Variants in PACS1 observed in about 807,000 individuals in gnomAD.
PACS1 encodes PACS-1.
PACS1 carries 24 observed loss-of-function variants against 115.0 expected under a neutral mutation model. That is an observed-to-expected ratio of 0.21 (90% CI 0.15 to 0.29). The LOEUF (loss-of-function observed/expected upper bound fraction) is 0.29. Among genes scored for constraint, PACS1 ranks in the 10% least tolerant of loss-of-function variants. The probability of loss-of-function intolerance (pLI) is 1.00; values close to 1 mark genes in which losing one functional copy is unlikely to be tolerated. For missense variants in PACS1, 838 were observed against 1,251.2 expected, an observed-to-expected ratio of 0.67 and a Z score of 4.98; for synonymous variants, 453 against 504.5, an observed-to-expected ratio of 0.90 and a Z score of 1.37.
At chr11:66,217,699 A>G (rs932801932) in intron 7 of PACS1, 3 of 439,398 alleles carry the variant, frequency 6.8e-6, no homozygotes, top group Non-Finnish European at 1.4e-5. Context: ...GTCCTCAGGT[A>G]TCCACCTCTC....
chr11:66,077,897 T>C (rs1027767358), intron 1 of PACS1, among the ~76,000 whole-genome samples: 8 of 152,072 alleles, frequency 5.3e-5, no homozygotes, highest in African/African-American at 1.9e-4. Flanking sequence ...AGACGGGGTT[T>C]CACCATGTTG....
intron 1 of PACS1, among the ~76,000 whole-genome samples, chr11:66,113,795 G>A (rs1163078491): frequency 1.3e-5 from 2 of 152,178 alleles, no homozygotes; most frequent in Non-Finnish European, 1.5e-5. Context: ...TTAGTATCAA[G>A]TCTAATTTTC....
intron 1 of PACS1, among the ~76,000 whole-genome samples, chr11:66,159,913 C>A (rs769349468): frequency 6.6e-6 from 1 of 152,198 alleles, no homozygotes; most frequent in African/African-American, 2.4e-5. Flanking sequence ...GCCCTTTAAT[C>A]TGGGCTAGTA....
At chr11:66,151,752 C>T (rs934505746) in intron 1 of PACS1, among the ~76,000 whole-genome samples, 9 of 152,152 alleles carry the variant, frequency 5.9e-5, no homozygotes, top group African/African-American at 2.2e-4. Flanking sequence ...GAAAAGCAGT[C>T]AGTAGAGACT....
chr11:66,110,706 A>G (rs548762156), intron 1 of PACS1, among the ~76,000 whole-genome samples: 2 of 151,750 alleles, frequency 1.3e-5, no homozygotes, highest in Admixed American at 6.6e-5. Context: ...AGTACCTGAG[A>G]CTCCAGGTGT....
At chr11:66,094,070 A>G (rs1200504553) in intron 1 of PACS1, among the ~76,000 whole-genome samples, 2 of 151,026 alleles carry the variant, frequency 1.3e-5, no homozygotes, top group Non-Finnish European at 3.0e-5. Context: ...AATTTATAGC[A>G]CTAAATGCCC....
At chr11:66,211,415 A>G (rs1855066917) in intron 4 of PACS1, among the ~76,000 whole-genome samples, 156 bp downstream of exon 4, 1 of 152,196 alleles carries the variant, frequency 6.6e-6, no homozygotes, top group Non-Finnish European at 1.5e-5. Flanking sequence ...GGAAATTCAG[A>G]GTATACTTGT....
chr11:66,202,655 A>G (rs1854827950), intron 2 of PACS1, among the ~76,000 whole-genome samples: 1 of 149,108 alleles, frequency 6.7e-6, no homozygotes, highest in Non-Finnish European at 1.5e-5. Context: ...TTGGGAGGCC[A>G]AGGTAGATGG....
chr11:66,180,951 G>A (rs1477432202), intron 1 of PACS1, among the ~76,000 whole-genome samples: 1 of 152,106 alleles, frequency 6.6e-6, no homozygotes, highest in Non-Finnish European at 1.5e-5. Flanking sequence ...GAGCCACCAT[G>A]CTCAGCCCTT....
At position 66,232,214 on chromosome 11, in the gene PACS1, G is replaced by A. The variant is rs768584162; in HGVS notation, c.1669G>A (p.Val557Met). ...VVYDQLNQIL[V>M]SDAALPENVI... is the part of the protein sequence containing the mutation. ...GTATGACCAGCTCAATCAGATCCTG[G>A]TGTCAGATGCAGCCCTCCCAGAAAA... Residue 557 changes from valine to methionine, a missense_variant, in exon 14 of 24, where the codon GTG becomes ATG. By Grantham distance (21) the Val-to-Met change is conservative (BLOSUM62 1). Around this residue, in one of 6 missense-constraint regions of PACS1, gnomAD observed 383 missense variants for 537.0 expected, o/e 0.71. Coordinates refer to ENST00000320580, the MANE Select transcript of PACS1 (RefSeq NM_018026.4). The A allele has an allele frequency of 1.2e-6, 2 of 1,613,838 alleles. No homozygotes were observed. Among genetic ancestry groups the A allele is most frequent in the East Asian group, 2.2e-5 (1 of 44,882 alleles).
chr11:66,201,826 T>A (rs1261818636), intron 2 of PACS1, among the ~76,000 whole-genome samples: 1 of 152,048 alleles, frequency 6.6e-6, no homozygotes, highest in South Asian at 2.1e-4. Context: ...TCGCGGCTAA[T>A]TTTTGTATTT....
chr11:66,070,668 C>T lies in PACS1; in HGVS notation c.182C>T (p.Ser61Leu). Residue 61 changes from serine (S) to leucine (L), a missense_variant, in exon 1 of 24, where the codon TCG becomes TTG. Physicochemically the swap from Ser to Leu is moderately radical, Grantham distance 145 (BLOSUM62 -2). This residue lies in a region of PACS1 where 129 missense variants were observed against 109.4 expected (regional missense o/e 1.18). Coordinates refer to ENST00000320580, the MANE Select transcript of PACS1 (RefSeq NM_018026.4). This position sits in a 1 kb window ranked among gnomAD's most constrained non-coding sequence, Gnocchi z 5.9. The part of the protein sequence containing the change: ...AQATSSSSST[S>L]AAAASSSSSS... Reference sequence around the variant, plus strand: ...GCCACCTCGTCGTCCTCGTCCACCTCGGCGGCGGCTGCCTCCTCCTCGTCC... The same window carrying T: ...GCCACCTCGTCGTCCTCGTCCACCTTGGCGGCGGCTGCCTCCTCCTCGTCC... 5 of 1,570,782 alleles carry T rather than the reference C, an allele frequency of 3.2e-6. No homozygotes were observed. Among genetic ancestry groups the T allele is most frequent in the Non-Finnish European group, 4.3e-6 (5 of 1,165,158 alleles).
intron 2 of PACS1, among the ~76,000 whole-genome samples, chr11:66,206,370 CA>C (rs1310292415): frequency 6.6e-6 from 1 of 152,028 alleles, no homozygotes; most frequent in Non-Finnish European, 1.5e-5. Flanking sequence ...CTGGAAGAAG[CA>C]AATACTGGAA....
At position 66,147,068 on chromosome 11, in the gene PACS1, A is replaced by G. The variant is rs554210529; in HGVS notation, c.357-46418A>G. On this transcript the variant is annotated intron_variant, in intron 1 of 23. Transcript: ENST00000320580. ...CAAGTAAGACACTGTCTAAAAACAG[A>G]CAAAGACAAAAAGAATAAGAATGTC... Among the ~76,000 whole-genome samples the G allele has an allele frequency of 5.3e-5, 8 of 152,336 alleles. No homozygotes were observed. In the South Asian group the frequency reaches 1.7e-3, roughly 32 times the overall value.
intron 1 of PACS1, among the ~76,000 whole-genome samples, chr11:66,117,534 C>T (rs1333400308): frequency 1.3e-5 from 2 of 151,610 alleles, no homozygotes; most frequent in Non-Finnish European, 2.9e-5. Flanking sequence ...CAAGACCAGC[C>T]CTCAACATGT....
intron 2 of PACS1, among the ~76,000 whole-genome samples, chr11:66,200,045 AAAC>A (rs375085899): frequency 9.2e-6 from 1 of 108,846 alleles, no homozygotes; most frequent in Admixed American, 1.1e-4. Context: ...AAACAAAACA[AAAC>A]AAAAAAAAAA....
chr11:66,132,911 C>A (rs1388827346), intron 1 of PACS1, among the ~76,000 whole-genome samples: 2 of 152,142 alleles, frequency 1.3e-5, no homozygotes, highest in Non-Finnish European at 2.9e-5. Context: ...CAAGTGATCT[C>A]CCTGCCTTGG....
intron 10 of PACS1, among the ~76,000 whole-genome samples, chr11:66,224,104 G>A (rs1437643116): frequency 6.8e-6 from 1 of 147,390 alleles, no homozygotes; most frequent in Non-Finnish European, 1.5e-5. Context: ...GGCTGAGGCA[G>A]AGAATTGCTT....
chr11:66,186,172 G>C (rs1454105531), intron 1 of PACS1, among the ~76,000 whole-genome samples: 1 of 151,922 alleles, frequency 6.6e-6, no homozygotes, highest in Non-Finnish European at 1.5e-5. Flanking sequence ...CTACTTAGGA[G>C]GTTGAGATGG....
Sources: allele counts gnomAD v4.1 joint callset (sites outside exome capture counted in the v4.1 genomes callset), GRCh38; gene constraint gnomAD v4.1.1; regional missense constraint gnomAD v4.1.1; non-coding constraint Gnocchi (gnomAD v3.1); transcripts MANE v1.5; gene names NCBI Gene and HGNC (gene_info 2026-07-23, HGNC 2026-07-21).